Variants in CCDC7 observed in about 807,000 individuals in gnomAD.
CCDC7 encodes the protein coiled-coil domain-containing protein 7.
In CCDC7, 183 loss-of-function variants were observed where a neutral mutation model predicts 196.9. The ratio of observed to expected loss-of-function variants is 0.93; its 90% CI spans 0.82 to 1.05. The LOEUF is 1.05. Ranked by LOEUF, CCDC7 falls within the 50% of genes least tolerant of loss-of-function variation. The pLI, the probability that CCDC7 is intolerant of heterozygous loss-of-function variation, is 0.00. For synonymous variants in CCDC7, 525 were observed against 484.6 expected (o/e 1.08, Z -1.10); for missense variants, 1,540 against 1,482.2 (o/e 1.04, Z -0.64).
At chr10:32,596,508 A>C (rs1238168207) in intron 18 of CCDC7, among the ~76,000 whole-genome samples, 1 of 152,164 alleles carries the variant, frequency 6.6e-6, no homozygotes, top group Non-Finnish European at 1.5e-5. Context: ...GTGTCTTTTA[A>C]CTGGAGCATT....
intron 28 of CCDC7, among the ~76,000 whole-genome samples, chr10:32,732,727 A>T (rs2132839568): frequency 1.3e-5 from 2 of 152,214 alleles, no homozygotes; most frequent in Middle Eastern, 6.8e-3. Context: ...AAAGATAGAG[A>T]TTTCTCATAT....
At chr10:32,819,743 A>G (rs975401510) in intron 31 of CCDC7, among the ~76,000 whole-genome samples, 2 of 152,218 alleles carry the variant, frequency 1.3e-5, no homozygotes, top group Non-Finnish European at 2.9e-5. Flanking sequence ...AGATGCAGAA[A>G]AGGCCTTTGA....
chr10:32,574,356 A>T, intron 16 of CCDC7: 1 of 1,143,160 alleles, frequency 8.7e-7, no homozygotes, highest in Non-Finnish European at 1.2e-6. Flanking sequence ...GTTGCTAAAT[A>T]TAATAAAAAT....
At chr10:32,665,521 G>A (rs989243884) in intron 21 of CCDC7, among the ~76,000 whole-genome samples, 1 of 151,902 alleles carries the variant, frequency 6.6e-6, no homozygotes, top group African/African-American at 2.4e-5. Context: ...TTATTCTTCT[G>A]CATGTGGATA....
At chr10:32,591,731 C>A (rs373919957) in intron 18 of CCDC7, among the ~76,000 whole-genome samples, 1 of 152,088 alleles carries the variant, frequency 6.6e-6, no homozygotes, top group Admixed American at 6.6e-5. Flanking sequence ...CAGGGTGTTA[C>A]CTGTGTTTAT....
intron 33 of CCDC7, among the ~76,000 whole-genome samples, chr10:32,837,374 G>C (rs375344535): frequency 6.6e-6 from 1 of 152,214 alleles, no homozygotes; most frequent in South Asian, 2.1e-4. Flanking sequence ...ACCACAATGA[G>C]ATACCATCTC....
chr10:32,462,909 G>A, intron 4 of CCDC7, 108 bp from the exon 6 acceptor site: 1 of 1,503,712 alleles, frequency 6.7e-7, no homozygotes, highest in South Asian at 1.2e-5. Flanking sequence ...GATATTTGAT[G>A]GATGAAGATT....
At chr10:32,872,994 G>T (rs1402946817) in intron 41 of CCDC7, among the ~76,000 whole-genome samples, 1 of 151,952 alleles carries the variant, frequency 6.6e-6, no homozygotes, top group African/African-American at 2.4e-5. Context: ...TTCAACTTTG[G>T]TGAATCTGAC....
chr10:32,543,109 C>T (rs148348299), intron 11 of CCDC7, among the ~76,000 whole-genome samples, 191 bp from the exon 13 acceptor site: 8 of 152,270 alleles, frequency 5.3e-5, no homozygotes, highest in African/African-American at 1.4e-4. Context: ...ATACAACTTA[C>T]ACCACGTAAA....
intron 22 of CCDC7, among the ~76,000 whole-genome samples, chr10:32,688,259 C>T (rs1048978176): frequency 6.6e-6 from 1 of 152,016 alleles, no homozygotes; most frequent in African/African-American, 2.4e-5. Flanking sequence ...GTGAGGTGAA[C>T]CTGAGAGATC....
intron 28 of CCDC7, among the ~76,000 whole-genome samples, chr10:32,735,690 A>G (rs1390107086): frequency 6.6e-6 from 1 of 152,170 alleles, no homozygotes; most frequent in Non-Finnish European, 1.5e-5. Flanking sequence ...AGTACAACTT[A>G]TCAATTTTTT....
intron 28 of CCDC7, among the ~76,000 whole-genome samples, chr10:32,767,931 A>AAT (rs778870403): frequency 4.6e-5 from 7 of 152,100 alleles, no homozygotes; most frequent in Non-Finnish European, 8.8e-5. Context: ...AATAACTTTA[A>AAT]AAACACCCAG....
At chr10:32,743,589 C>G (rs2074162206) in intron 28 of CCDC7, among the ~76,000 whole-genome samples, 1 of 152,122 alleles carries the variant, frequency 6.6e-6, no homozygotes, top group Non-Finnish European at 1.5e-5. Flanking sequence ...GGTGATTCCT[C>G]AAGGATCTAG....
chr10:32,845,080 A>C (rs1298021904), intron 33 of CCDC7, among the ~76,000 whole-genome samples, 163 bp from the exon 35 acceptor site: 1 of 151,840 alleles, frequency 6.6e-6, no homozygotes, highest in East Asian at 1.9e-4. Flanking sequence ...ATATTCCCGG[A>C]GTTAAATTAA....
exon 19 of CCDC7, chr10:32,634,257 A>AC: frequency 8.4e-7 from 1 of 1,185,896 alleles, no homozygotes; most frequent in Non-Finnish European, 1.1e-6. Flanking sequence ...TATGTAGCTG[A>AC]CAGTGAAGTT....
chr10:32,637,369 T>C (rs1211957093), intron 20 of CCDC7, among the ~76,000 whole-genome samples: 4 of 152,280 alleles, frequency 2.6e-5, no homozygotes, highest in South Asian at 2.1e-4. Context: ...TTAGGTCTAA[T>C]GTTTAAGTAT....
chr10:32,802,535 T>C (rs2085011531), intron 29 of CCDC7, among the ~76,000 whole-genome samples: 1 of 152,098 alleles, frequency 6.6e-6, no homozygotes, highest in Non-Finnish European at 1.5e-5. Context: ...CCAAAATCTG[T>C]ATTAGGGTTC....
chr10:32,754,184 T>G (rs1355198786), intron 28 of CCDC7, among the ~76,000 whole-genome samples: 1 of 152,116 alleles, frequency 6.6e-6, no homozygotes, highest in African/African-American at 2.4e-5. Flanking sequence ...CTTTTAAAGC[T>G]TAAAAGAATC....
chr10:32,483,942 T>C (rs2040482286), intron 8 of CCDC7, among the ~76,000 whole-genome samples: 1 of 152,208 alleles, frequency 6.6e-6, no homozygotes, highest in South Asian at 2.1e-4. Flanking sequence ...TGCCTCCAGC[T>C]TTGTTCTTTT....
Sources: gnomAD v4.1 joint callset for allele counts (sites outside exome capture counted in the v4.1 genomes callset) on GRCh38, gnomAD v4.1.1 for gene constraint, MANE v1.5 for transcripts, NCBI Gene and HGNC (gene_info 2026-07-23, HGNC 2026-07-21) for gene names.